ZNF248: variants seen among roughly 807,000 people sequenced by gnomAD.
The protein encoded by ZNF248 is zinc finger protein 248, also known as KRAB protein domain.
Under a neutral mutation model 44.3 loss-of-function variants are expected in ZNF248, and 20 were observed. That is an observed-to-expected ratio of 0.45 (90% CI 0.32 to 0.66). ZNF248 has a LOEUF of 0.66. Ranked by LOEUF, ZNF248 falls within the 30% of genes least tolerant of loss-of-function variation. ZNF248 has a pLI of 0.04. For synonymous variants in ZNF248, 224 were observed against 229.0 expected, an observed-to-expected ratio of 0.98 and a Z score of 0.20; for missense variants, 654 against 677.0, an observed-to-expected ratio of 0.97 and a Z score of 0.38.
At chr10:37,820,668 G>A in intron 6 of ZNF248, 1 of 1,422,170 alleles carries the variant, frequency 7.0e-7, no homozygotes, top group Non-Finnish European at 9.9e-7. Flanking sequence ...CACTTTCGCT[G>A]GTCATTCTGC....
the ZNF248 span, among the ~76,000 whole-genome samples, chr10:37,770,422 A>G: frequency 1.3e-5 from 2 of 152,140 alleles, no homozygotes; most frequent in African/African-American, 4.8e-5. Context: ...GTACCAAAAC[A>G]GATATAGATC....
rs1264739137 is a variant in ZNF248 at position 37,832,820 on chromosome 10, T to A, written c.535A>T (p.Arg179Trp). Residue 179 changes from arginine (R) to tryptophan (W), a missense_variant, in exon 6 of 6, where the codon AGG becomes TGG. Physicochemically the swap from Arg to Trp is moderately radical, Grantham distance 101 (BLOSUM62 -3). Transcript: ENST00000395867. ...TCTCCAATAGGGATTTTCTCATGCC[T>A]AATATCAAGGAGCAATTTCTCACAT... The part of the protein sequence containing the change: ...NVCEKLLLDI[R>W]HEKIPIGEKS... 1 of 1,613,906 alleles carries A rather than the reference T, an allele frequency of 6.2e-7. No individual in the cohort carries two copies. Among genetic ancestry groups the A allele is most frequent in the Non-Finnish European group, 8.5e-7 (1 of 1,179,872 alleles).
rs74408818 is a variant in ZNF248, at chr10:37,840,875, G to T, written c.16-2764C>A. Among the ~76,000 whole-genome samples, 1,352 of 152,230 alleles carry T rather than the reference G, an allele frequency of 8.9e-3. 9 individuals are homozygous for T. The highest frequency in any genetic ancestry group is 0.013 in the Non-Finnish European group (916 of 68,014). On this transcript the variant is annotated intron_variant, in intron 3 of 5. Coordinates refer to ENST00000395867, the MANE Select transcript of ZNF248 (RefSeq NM_021045.3). ...ATATAATGAGCCTGAAATCACTTCT[G>T]GTACCAGAAAATGAGAAAGTACTCA...
chr10:37,820,764 C>A, intron 6 of ZNF248: 1 of 1,272,570 alleles, frequency 7.9e-7, no homozygotes, highest in Non-Finnish European at 1.1e-6. Context: ...TTAAGTGGTC[C>A]CTTTTGTTAA....
At chr10:37,822,270 G>GT (rs1564535883) in intron 6 of ZNF248, among the ~76,000 whole-genome samples, 1 of 152,064 alleles carries the variant, frequency 6.6e-6, no homozygotes, top group Non-Finnish European at 1.5e-5. Context: ...CACAAACTGC[G>GT]TATCAATTTC....
rs972671966 is a variant in ZNF248, at chr10:37,856,535, G to A, written c.-125-3C>T. The A allele has an allele frequency of 2.0e-5, 24 of 1,201,124 alleles. No homozygotes were observed. Among genetic ancestry groups the A allele is most frequent in the Non-Finnish European group, 2.4e-5 (23 of 968,184 alleles). The allele number at this position is 1,201,124 out of a possible 1,614,324, so 74.4% of individuals were successfully genotyped here. ...TTGATTTATTACCAATTTAGGTTCTGTGACACAGAAAAATTAAAAACATGA... is the reference window on the plus strand; with the variant it reads ...TTGATTTATTACCAATTTAGGTTCTATGACACAGAAAAATTAAAAACATGA... On this transcript the variant is annotated splice_region_variant and splice_polypyrimidine_tract_variant and intron_variant, in intron 1 of 5. Transcript: ENST00000395867.
At chr10:37,846,890 C>A (rs776559487) in intron 3 of ZNF248, among the ~76,000 whole-genome samples, 15 of 152,284 alleles carry the variant, frequency 9.9e-5, no homozygotes, top group Non-Finnish European at 2.1e-4. Flanking sequence ...ACATACACCT[C>A]ACAAAGTCTT....
rs554576780 is a variant in ZNF248 at position 37,838,048 on chromosome 10, G to C, written c.79C>G (p.Pro27Ala). Residue 27 changes from proline to alanine, a missense_variant, in exon 4 of 6, where the codon CCT (proline) becomes GCT (alanine). Physicochemically the swap from Pro to Ala is conservative, Grantham distance 27. Transcript: ENST00000395867. ...FTQEEWYLLD[P>A]AQKILYRDVI... Reference sequence around the variant, plus strand: ...TCTCTGTATAGAATCTTCTGAGCAGGGTCCAGCAGATACCACTCTTCCTGA... The same window carrying C: ...TCTCTGTATAGAATCTTCTGAGCAGCGTCCAGCAGATACCACTCTTCCTGA... 1 of 1,613,228 alleles carries C rather than the reference G, an allele frequency of 6.2e-7. No homozygotes were observed. The highest frequency in any genetic ancestry group is 1.1e-5 in the South Asian group (1 of 91,028).
intron 6 of ZNF248, among the ~76,000 whole-genome samples, chr10:37,806,159 G>GC (rs1352036497): frequency 6.6e-6 from 1 of 152,176 alleles, no homozygotes; most frequent in Admixed American, 6.5e-5. Flanking sequence ...GAATAATGCT[G>GC]CCATAAACAT....
At chr10:37,783,529 T>A (rs944995765) in intron 6 of ZNF248, among the ~76,000 whole-genome samples, 4 of 152,266 alleles carry the variant, frequency 2.6e-5, no homozygotes, top group Non-Finnish European at 5.9e-5. Context: ...TTTGTCAAAG[T>A]TAAAAACTTT....
chr10:37,828,452 A>T (rs964080167), downstream of ZNF248, among the ~76,000 whole-genome samples: 6 of 152,204 alleles, frequency 3.9e-5, no homozygotes, highest in African/African-American at 1.4e-4. Flanking sequence ...TGCTGGAAGC[A>T]ATAAGGACAC....
At chr10:37,844,845 G>A (rs1210691095) in intron 3 of ZNF248, among the ~76,000 whole-genome samples, 2 of 152,074 alleles carry the variant, frequency 1.3e-5, no homozygotes, top group African/African-American at 2.4e-5. Context: ...ACAGCAACTG[G>A]CAGAAGTGAG....
At chr10:37,781,069 G>A (rs1359715708) in intron 6 of ZNF248, among the ~76,000 whole-genome samples, 1 of 152,100 alleles carries the variant, frequency 6.6e-6, no homozygotes, top group Non-Finnish European at 1.5e-5. Flanking sequence ...TTAATAGTGC[G>A]CTTTCAAAAT....
chr10:37,837,865 T>C, intron 4 of ZNF248, 120 bp downstream of exon 4: 1 of 1,424,624 alleles, frequency 7.0e-7, no homozygotes, highest in Non-Finnish European at 9.6e-7. Context: ...ACCTTTATGG[T>C]GGCCAAATGG....
At chr10:37,841,621 C>T (rs895840878) in intron 3 of ZNF248, among the ~76,000 whole-genome samples, 3 of 152,156 alleles carry the variant, frequency 2.0e-5, no homozygotes, top group African/African-American at 4.8e-5. Context: ...GGAGGTGTAG[C>T]GTAACTCTCC....
chr10:37,763,915 A>G, the ZNF248 span, among the ~76,000 whole-genome samples: 1 of 152,194 alleles, frequency 6.6e-6, no homozygotes, highest in Non-Finnish European at 1.5e-5. Flanking sequence ...TAATCCTGTC[A>G]TCTTCATAAG....
chr10:37,830,006 A>G lies in ZNF248; in HGVS notation c.*1609T>C. On this transcript the variant is annotated 3_prime_UTR_variant, in exon 6 of 6. Coordinates refer to ENST00000395867, the MANE Select transcript of ZNF248 (RefSeq NM_021045.3). ...TGGGCAGTGTCTCTTAGAACTGCTG[A>G]CCAATGTGTTCCAAGGGGGCAAAAG... The G allele has an allele frequency of 5.1e-6, 5 of 985,418 alleles. No individual in the cohort carries two copies. Among genetic ancestry groups the G allele is most frequent in the Non-Finnish European group, 6.0e-6 (5 of 829,940 alleles). The allele number at this position is 985,418 out of a possible 1,614,324, so 61.0% of individuals were successfully genotyped here.
At chr10:37,796,954 T>C (rs910556310) in intron 6 of ZNF248, among the ~76,000 whole-genome samples, 4 of 152,060 alleles carry the variant, frequency 2.6e-5, no homozygotes, top group Non-Finnish European at 4.4e-5. Flanking sequence ...ATATAGTTTT[T>C]TTTTTCTAGA....
intron 3 of ZNF248, among the ~76,000 whole-genome samples, chr10:37,842,793 G>C (rs570719560): frequency 4.6e-5 from 7 of 152,012 alleles, no homozygotes; most frequent in Non-Finnish European, 1.0e-4. Context: ...ACCTGGAAAG[G>C]GTTTCTTTGG....
Sources: allele counts gnomAD v4.1 joint callset (sites outside exome capture counted in the v4.1 genomes callset), GRCh38; gene constraint gnomAD v4.1.1; transcripts MANE v1.5; gene names NCBI Gene and HGNC (gene_info 2026-07-23, HGNC 2026-07-21).